The following SH3BP2 variants were observed in gnomAD, a reference collection of about 807,000 sequenced individuals.
SH3BP2 encodes SH3 domain binding protein 2.
Under a neutral mutation model 56.2 loss-of-function variants are expected in SH3BP2, and 38 were observed. The ratio of observed to expected loss-of-function variants is 0.68; its 90% CI spans 0.52 to 0.89. The LOEUF is 0.89. Among genes scored for constraint, SH3BP2 ranks in the 40% least tolerant of loss-of-function variants. The pLI is 0.00. For missense variants in SH3BP2, 748 were observed against 762.6 expected (o/e 0.98, Z 0.23); for synonymous variants, 346 against 316.7 (o/e 1.09, Z -0.98).
Position 2,810,928 on chromosome 4 carries a change from G to C in SH3BP2, c.-4-9686G>C, listed in dbSNP as rs774471510. ...GTCCGTGCCCTCCTCGCTGCCCTCT[G>C]TCTGTCTGCCTGCTGTGGCCAGCCT... On this transcript the variant is annotated intron_variant, in intron 1 of 12. Coordinates refer to ENST00000503393, the MANE Select transcript of SH3BP2 (RefSeq NM_001122681.2). This position sits in a 1 kb window ranked among gnomAD's most constrained non-coding sequence, Gnocchi z 4.2. Among the ~76,000 whole-genome samples the C allele has an allele frequency of 1.3e-5, 2 of 152,232 alleles. No homozygotes were observed. Among genetic ancestry groups the C allele is most frequent in the Non-Finnish European group, 2.9e-5 (2 of 68,042 alleles).
intron 1 of SH3BP2, chr4:2,812,030 C>T (rs1451252090): frequency 4.1e-6 from 2 of 484,192 alleles, no homozygotes; most frequent in African/African-American, 4.0e-5. Flanking sequence ...GGGGAGGCAG[C>T]AGGGAGCTTC....
intron 7 of SH3BP2, 139 bp downstream of exon 7, chr4:2,827,813 A>G (rs1255653998): frequency 1.4e-6 from 1 of 708,978 alleles, no homozygotes; most frequent in East Asian, 2.7e-5. Flanking sequence ...CTGTGTCCCA[A>G]GTATTATGAG....
At position 2,830,167 on chromosome 4, in the gene SH3BP2, G is replaced by T. The variant is rs371677381; in HGVS notation, c.1241+20G>T. 1,447 of 1,592,002 alleles carry T rather than the reference G, an allele frequency of 9.1e-4. No individual in the cohort carries two copies. The highest frequency in any genetic ancestry group is 1.1e-3 in the Non-Finnish European group (1,335 of 1,176,818). ...CCTCCAGTGAGTTTGTGTGGCGGCT[G>T]CAAGCCCTGCCTCCAGCTACAGGGA... On this transcript the variant is annotated intron_variant, in intron 8 of 12. Transcript: ENST00000503393.
chr4:2,799,678 C>G (rs1407441773), intron 1 of SH3BP2, among the ~76,000 whole-genome samples: 1 of 152,216 alleles, frequency 6.6e-6, no homozygotes, highest in Admixed American at 6.5e-5. Context: ...CCACTTGGGA[C>G]CCAGGCCCCC....
chr4:2,816,535 G>A (rs1483061771), intron 1 of SH3BP2, among the ~76,000 whole-genome samples: 1 of 152,154 alleles, frequency 6.6e-6, no homozygotes, highest in Non-Finnish European at 1.5e-5. Context: ...GTTCTTGGGG[G>A]AAAAACTTTC....
chr4:2,824,395 C>G (rs1269773695), intron 3 of SH3BP2, among the ~76,000 whole-genome samples: 1 of 152,162 alleles, frequency 6.6e-6, no homozygotes, highest in Non-Finnish European at 1.5e-5. Context: ...TCCCACGAAG[C>G]CCACCCAGCA....
At chr4:2,813,637 G>T (rs73080388) in intron 1 of SH3BP2, among the ~76,000 whole-genome samples, 1 of 152,208 alleles carries the variant, frequency 6.6e-6, no homozygotes, top group Non-Finnish European at 1.5e-5. Context: ...ACAGAAGACC[G>T]CACTTGACAG....
chr4:2,812,532 T>C (rs1380865550), intron 1 of SH3BP2: 1 of 1,523,450 alleles, frequency 6.6e-7, no homozygotes, highest in African/African-American at 1.4e-5. Context: ...GTCTAGCACC[T>C]GAAGAACCAG....
In SH3BP2 at chr4:2,827,691, G is replaced by A. The variant is rs780893677; in HGVS notation, c.586+17G>A. The A allele has an allele frequency of 6.5e-7, 1 of 1,543,344 alleles. No individual in the cohort carries two copies. The highest frequency in any genetic ancestry group is 8.8e-7 in the Non-Finnish European group (1 of 1,134,186). On this transcript the variant is annotated intron_variant, in intron 7 of 12. Coordinates refer to ENST00000503393, the MANE Select transcript of SH3BP2 (RefSeq NM_001122681.2). ...GGCTTGAGGGTAGGTGGGGCGGGTG[G>A]GCCCGGGGAGCTCTGGGTGTGTAGG...
At position 2,827,610 on chromosome 4, in the gene SH3BP2, T is replaced by G. The variant is rs1356631538; in HGVS notation, c.522T>G (p.Tyr174Ter). 6.3e-7 allele frequency: 1 copy of G among 1,594,964 alleles called. No individual in the cohort carries two copies. The highest frequency in any genetic ancestry group is 1.7e-5 in the Admixed American group (1 of 57,540). ...CACCCCCCTCTCCCCATGCAGACTA[T>G]GAGCACGACGATGAGGATGACTCCT... The part of the protein sequence containing the change: ...LSPYPTDNED[Y>*]EHDDEDDSYL... Residue 174 changes from tyrosine (Y) to a stop codon, truncating the protein, a stop_gained, in exon 7 of 13, where the codon TAT becomes TAG. Transcript: ENST00000503393. LOFTEE classifies it high-confidence loss of function.
rs1324341940 is a variant in SH3BP2, at chr4:2,831,694, C to A, written c.1350+15C>A. 4 of 1,573,158 alleles carry A rather than the reference C, an allele frequency of 2.5e-6. No homozygotes were observed. The East Asian group carries it at 9.3e-5, about 37-fold the overall frequency. Reference sequence around the variant, plus strand: ...ACTATGAGAAGGCAAGGCTGAGCGGCAAGCCTGGGTCCCAGTGGCCAGTAG... The same window carrying A: ...ACTATGAGAAGGCAAGGCTGAGCGGAAAGCCTGGGTCCCAGTGGCCAGTAG... On this transcript the variant is annotated intron_variant, in intron 9 of 12. Transcript: ENST00000503393. The surrounding 1 kb of genome is among the most constrained non-coding windows in gnomAD (Gnocchi z 4.1).
chr4:2,800,482 C>T (rs1723223603), intron 1 of SH3BP2, among the ~76,000 whole-genome samples: 2 of 152,088 alleles, frequency 1.3e-5, no homozygotes, highest in African/African-American at 2.4e-5. Flanking sequence ...GGCTTGCTTA[C>T]AGGCCCTGCT....
Position 2,829,418 on chromosome 4 carries a change from G to A in SH3BP2, c.587-75G>A. The A allele has an allele frequency of 6.5e-7, 1 of 1,538,480 alleles. No individual in the cohort carries two copies. The highest frequency in any genetic ancestry group is 9.0e-7 in the Non-Finnish European group (1 of 1,112,604). On this transcript the variant is annotated intron_variant, in intron 7 of 12. Coordinates refer to ENST00000503393, the MANE Select transcript of SH3BP2 (RefSeq NM_001122681.2). This position sits in a 1 kb window ranked among gnomAD's most constrained non-coding sequence, Gnocchi z 4.9. ...ATGGGTTGCACTCCTGGTTGGCCTGGCTGACCACTGCCAGCAGAGGATAGT... is the reference window on the plus strand; with the variant it reads ...ATGGGTTGCACTCCTGGTTGGCCTGACTGACCACTGCCAGCAGAGGATAGT...
rs147001821 is a variant in SH3BP2, at chr4:2,827,654, C to G, written c.566C>G (p.Pro189Arg). Residue 189 changes from proline to arginine, a missense_variant, in exon 7 of 13, where the codon CCG becomes CGG. Coordinates refer to ENST00000503393, the MANE Select transcript of SH3BP2 (RefSeq NM_001122681.2). Reference sequence around the variant, plus strand: ...GACTCCTACCTGGAGCCTGACTCCCCGGAGCCCGGAAGGCTTGAGGGTAGG... The same window carrying G: ...GACTCCTACCTGGAGCCTGACTCCCGGGAGCCCGGAAGGCTTGAGGGTAGG... ...EDDSYLEPDS[P>R]EPGRLEDALM... 227 of 1,452,174 alleles carry G rather than the reference C, an allele frequency of 1.6e-4. No homozygotes were observed. Among genetic ancestry groups the G allele is most frequent in the Non-Finnish European group, 2.1e-4 (223 of 1,073,568 alleles). 90.0% of individuals were successfully genotyped at this position (1,452,174 alleles called of 1,614,324 possible).
At chr4:2,818,681 C>T (rs913530370) in intron 1 of SH3BP2, 3 of 992,938 alleles carry the variant, frequency 3.0e-6, no homozygotes, top group Non-Finnish European at 2.4e-6. Context: ...CGCGGTTGGG[C>T]GGGCGGCGGG....
At position 2,823,001 on chromosome 4, in the gene SH3BP2, C is replaced by T. The variant is rs1724390836; in HGVS notation, c.203C>T (p.Ser68Phe). Residue 68 changes from serine (S) to phenylalanine (F), a missense_variant, in exon 3 of 13, where the codon TCC becomes TTC. By Grantham distance (155) the Ser-to-Phe change is radical (BLOSUM62 -2). Transcript: ENST00000503393. ...VYYFKSSTSA[S>F]PQGAFSLSGY... Reference sequence around the variant, plus strand: ...TACTTCAAGAGTAGCACCTCTGCCTCCCCGCAGGGCGCCTTCTCCCTGAGT... The same window carrying T: ...TACTTCAAGAGTAGCACCTCTGCCTTCCCGCAGGGCGCCTTCTCCCTGAGT... 1.2e-6 allele frequency: 2 copies of T among 1,614,096 alleles called. No homozygotes were observed. The highest frequency in any genetic ancestry group is 1.7e-6 in the Non-Finnish European group (2 of 1,179,964).
chr4:2,839,688 C>T lies in SH3BP2; in HGVS notation c.*5854C>T, dbSNP rs1332465322. On this transcript the variant is annotated 3_prime_UTR_variant, in exon 13 of 13. Coordinates refer to ENST00000503393, the MANE Select transcript of SH3BP2 (RefSeq NM_001122681.2). ...GCTTAAACAGTCCTCCCACCTCAGC[C>T]TCCTGAGTAGCCGGAACTACAGTCA... 2.0e-5 allele frequency: 3 copies of T among 151,904 alleles called. No individual in the cohort carries two copies. The highest frequency in any genetic ancestry group is 2.9e-5 in the Non-Finnish European group (2 of 67,996). The allele number at this position is 151,904 out of a possible 1,614,324, so 9.4% of individuals were successfully genotyped here. A position where few individuals can be genotyped will look rare whatever the true frequency, so the allele number is the denominator to read the frequency against.
At chr4:2,822,867 G>T (rs897641131) in intron 2 of SH3BP2, 68 bp from the exon 3 acceptor site, 1 of 1,197,704 alleles carries the variant, frequency 8.3e-7, no homozygotes, top group Non-Finnish European at 1.2e-6. Flanking sequence ...TCCTGTGGAG[G>T]GTCCTCACAG....
intron 10 of SH3BP2, 161 bp downstream of exon 10, chr4:2,832,139 C>A: frequency 1.0e-6 from 1 of 973,168 alleles, no homozygotes; most frequent in Non-Finnish European, 1.6e-6. Context: ...CTGTCCCATG[C>A]CCAGCTGGCA....
Sources: gnomAD v4.1 joint callset for allele counts (sites outside exome capture counted in the v4.1 genomes callset) on GRCh38, gnomAD v4.1.1 for gene constraint, Gnocchi (gnomAD v3.1) non-coding constraint, MANE v1.5 for transcripts, NCBI Gene and HGNC (gene_info 2026-07-23, HGNC 2026-07-21) for gene names.